The following HLCS variants were observed in gnomAD, a reference collection of about 807,000 sequenced individuals.
HLCS encodes biotin--protein ligase.
Under a neutral mutation model 75.0 loss-of-function variants are expected in HLCS, and 53 were observed. The observed-to-expected ratio is 0.71, with a 90% CI of 0.57 to 0.89. The LOEUF (loss-of-function observed/expected upper bound fraction) is 0.89. HLCS is among the 40% of genes least tolerant of loss of function. The pLI is 0.00. For synonymous variants in HLCS, 431 were observed against 428.6 expected (o/e 1.01, Z -0.07); for missense variants, 966 against 1,074.0 (o/e 0.90, Z 1.41).
intron 1 of HLCS, 101 bp downstream of exon 1, chr21:36,966,343 G>A (rs1267669877): frequency 1.5e-5 from 8 of 523,498 alleles, no homozygotes; most frequent in Non-Finnish European, 2.0e-5. Context: ...GCGCCACTCC[G>A]GGGCTCCCGA....
Position 36,754,338 on chromosome 21 carries a change from C to A in HLCS, c.2530G>T (p.Val844Phe), listed in dbSNP as rs774651759. 2 of 1,614,078 alleles carry A rather than the reference C, an allele frequency of 1.2e-6. No individual in the cohort carries two copies. The highest frequency in any genetic ancestry group is 4.5e-5 in the East Asian group (2 of 44,876). Reference sequence around the variant, plus strand: ...ACAACCTCGCCGCCCTCCTGGTGAACCTGGAGGAAGCCAGAATCGTCCAGG... The same window carrying A: ...ACAACCTCGCCGCCCTCCTGGTGAAACTGGAGGAAGCCAGAATCGTCCAGG... ...VGLDDSGFLQ[V>F]HQEGGEVVTV... Residue 844 changes from valine to phenylalanine, a missense_variant, in exon 11 of 11, where the codon GTT (valine) becomes TTT (phenylalanine). Physicochemically the swap from Val to Phe is conservative, Grantham distance 50 (BLOSUM62 -1). Transcript: ENST00000674895.
chr21:36,817,400 G>C (rs1037865875), intron 6 of HLCS, among the ~76,000 whole-genome samples: 4 of 152,128 alleles, frequency 2.6e-5, no homozygotes, highest in Non-Finnish European at 5.9e-5. Flanking sequence ...AGTCATCACA[G>C]ATCTTATGCC....
rs779779771 is a variant in HLCS at position 36,885,026 on chromosome 21, T to C, written c.1892+11834A>G. Among the ~76,000 whole-genome samples the C allele has an allele frequency of 3.2e-4, 48 of 152,106 alleles. 1 individual carries two copies. Among genetic ancestry groups the C allele is most frequent in the Non-Finnish European group, 1.3e-4 (9 of 68,004 alleles). ...TTAAGATTTCAAAAAAAGAGAAGGT[T>C]CAATGAAAAAGAGACTTGCTTCACA... On this transcript the variant is annotated intron_variant, in intron 6 of 10. Transcript: ENST00000674895.
chr21:36,958,927 C>T (rs1033519519), intron 2 of HLCS, among the ~76,000 whole-genome samples: 2 of 152,174 alleles, frequency 1.3e-5, no homozygotes, highest in African/African-American at 2.4e-5. Flanking sequence ...TTTGTAGAGC[C>T]GTTAAGTATT....
At chr21:36,780,839 T>C (rs2060505883) in intron 6 of HLCS, among the ~76,000 whole-genome samples, 1 of 152,112 alleles carries the variant, frequency 6.6e-6, no homozygotes, top group Admixed American at 6.6e-5. Flanking sequence ...CATGTGCGTG[T>C]GTATACACAG....
intron 2 of HLCS, among the ~76,000 whole-genome samples, chr21:36,941,885 T>C (rs1258665451): frequency 6.6e-6 from 1 of 152,082 alleles, no homozygotes; most frequent in Non-Finnish European, 1.5e-5. Flanking sequence ...CGGGTGCCTG[T>C]AATCCCAGCT....
At chr21:36,802,141 G>T (rs949179191) in intron 6 of HLCS, among the ~76,000 whole-genome samples, 1 of 152,182 alleles carries the variant, frequency 6.6e-6, no homozygotes, top group Non-Finnish European at 1.5e-5. Flanking sequence ...AGTGGCCCAA[G>T]TCCAGGGCTA....
At chr21:36,897,596 G>T (rs779684412) in intron 5 of HLCS, among the ~76,000 whole-genome samples, 1 of 152,092 alleles carries the variant, frequency 6.6e-6, no homozygotes, top group Admixed American at 6.5e-5. Flanking sequence ...AAGAACACTC[G>T]GTCTCAGCCT....
chr21:36,887,057 G>A (rs1346275146), intron 6 of HLCS, among the ~76,000 whole-genome samples: 1 of 151,958 alleles, frequency 6.6e-6, no homozygotes, highest in Non-Finnish European at 1.5e-5. Context: ...TTGATCCCCG[G>A]AGACAGAGGT....
At chr21:36,850,065 G>A (rs756745098) in intron 6 of HLCS, among the ~76,000 whole-genome samples, 5 of 152,140 alleles carry the variant, frequency 3.3e-5, no homozygotes, top group Admixed American at 6.5e-5. Context: ...AGAGGTGAAG[G>A]CAGAGAGCAG....
intron 1 of HLCS, among the ~76,000 whole-genome samples, chr21:36,973,322 C>T (rs2146715925): frequency 7.3e-6 from 1 of 136,170 alleles, no homozygotes; most frequent in South Asian, 2.5e-4. Context: ...CTAGAATATA[C>T]AAAGAACTCC....
intron 6 of HLCS, among the ~76,000 whole-genome samples, chr21:36,888,067 C>T (rs753423770): frequency 1.2e-4 from 19 of 152,162 alleles, no homozygotes; most frequent in Non-Finnish European, 2.2e-4. Flanking sequence ...GGTCTAATCG[C>T]TTCCACCTGT....
chr21:36,807,775 G>A (rs981798421), intron 6 of HLCS, among the ~76,000 whole-genome samples: 3 of 152,146 alleles, frequency 2.0e-5, no homozygotes, highest in African/African-American at 4.8e-5. Flanking sequence ...TCTGGGCACT[G>A]ATCAGTGCCT....
At chr21:36,783,761 C>T (rs1471380028) in intron 6 of HLCS, among the ~76,000 whole-genome samples, 1 of 152,072 alleles carries the variant, frequency 6.6e-6, no homozygotes, top group Admixed American at 6.5e-5. Context: ...TGAAGCATAG[C>T]AAGGGCTGGT....
At chr21:36,831,521 A>T (rs192902677) in intron 6 of HLCS, among the ~76,000 whole-genome samples, 199 of 152,242 alleles carry the variant, frequency 1.3e-3, no homozygotes, top group Non-Finnish European at 2.5e-3. Context: ...CTCTACTAAA[A>T]ATACAAAAAA....
At chr21:36,966,365 C>T (rs1055700) in intron 1 of HLCS, 79 bp downstream of exon 1, 1 of 685,134 alleles carries the variant, frequency 1.5e-6, no homozygotes, top group Non-Finnish European at 1.8e-6. Context: ...CTCCCGGGCT[C>T]CCGGCGGGGA....
intron 6 of HLCS, among the ~76,000 whole-genome samples, chr21:36,863,374 G>C (rs944649938): frequency 6.6e-6 from 1 of 152,034 alleles, no homozygotes; most frequent in Non-Finnish European, 1.5e-5. Flanking sequence ...AAATGTGGGG[G>C]TGGGGAATAA....
chr21:36,945,299 G>A (rs2067337119), intron 2 of HLCS, among the ~76,000 whole-genome samples: 1 of 151,274 alleles, frequency 6.6e-6, no homozygotes. Flanking sequence ...TACTTTCATG[G>A]CCATTTTTCA....
intron 6 of HLCS, among the ~76,000 whole-genome samples, chr21:36,793,571 G>A (rs934476407): frequency 7.9e-5 from 12 of 151,966 alleles, no homozygotes; most frequent in African/African-American, 2.9e-4. Flanking sequence ...AAGTGCTGGG[G>A]TTACAGGTGT....
Sources: gnomAD v4.1 joint callset for allele counts (sites outside exome capture counted in the v4.1 genomes callset) on GRCh38, gnomAD v4.1.1 for gene constraint, MANE v1.5 for transcripts, NCBI Gene and HGNC (gene_info 2026-07-23, HGNC 2026-07-21) for gene names.